The following RPS29 variants were observed in gnomAD, a reference collection of about 807,000 sequenced individuals.
RPS29 encodes the protein small ribosomal subunit protein uS14.
For synonymous variants in RPS29, 37 were observed against 26.9 expected, an observed-to-expected ratio of 1.37 and a Z score of -1.16; for missense variants, 60 against 75.7, an observed-to-expected ratio of 0.79 and a Z score of 0.77.
upstream of RPS29, among the ~76,000 whole-genome samples, chr14:49,589,375 A>G (rs1298817383): frequency 6.6e-6 from 1 of 152,226 alleles, no homozygotes; most frequent in African/African-American, 2.4e-5. Flanking sequence ...TTGAAAAACT[A>G]AAAGTAATAT....
At chr14:49,592,310 T>C (rs898005392) in intron 1 of RPS29, 1 of 151,948 alleles carries the variant, frequency 6.6e-6, no homozygotes, top group African/African-American at 2.4e-5. Context: ...ATTAATTAGT[T>C]GTAAACTCCA....
chr14:49,597,546 A>C (rs997636287), intron 1 of RPS29: 4 of 152,206 alleles, frequency 2.6e-5, no homozygotes, highest in Admixed American at 2.6e-4. Flanking sequence ...ATAGTCTGAA[A>C]ATTGTAGTGT....
Position 49,586,208 on chromosome 14 carries a change from G to A in RPS29, c.62+77C>T, listed in dbSNP as rs536900717. ...CGGCGTGCTCCCTCGTGCCGCCCGT[G>A]GCCTCCTCTACTTGAGATTTTAAGC... On this transcript the variant is annotated intron_variant, in intron 1 of 2. Coordinates refer to ENST00000245458, the MANE Select transcript of RPS29 (RefSeq NM_001032.5). The A allele has an allele frequency of 4.9e-5, 73 of 1,487,402 alleles. No individual in the cohort carries two copies. The Middle Eastern group carries it at 1.7e-3, about 35-fold the overall frequency. The allele number at this position is 1,487,402 out of a possible 1,614,324, so 92.1% of individuals were successfully genotyped here. A position where few individuals can be genotyped will look rare whatever the true frequency, so the allele number is the denominator to read the frequency against.
At chr14:49,578,487 A>G (rs1881246478) in intron 2 of RPS29, among the ~76,000 whole-genome samples, 1 of 151,350 alleles carries the variant, frequency 6.6e-6, no homozygotes, top group African/African-American at 2.4e-5. Flanking sequence ...GCACATATAC[A>G]ATTTTTCACT....
chr14:49,581,943 G>A (rs1345304474), downstream of RPS29, among the ~76,000 whole-genome samples: 1 of 147,340 alleles, frequency 6.8e-6, no homozygotes, highest in African/African-American at 2.6e-5. Context: ...GATAGCTTGA[G>A]CCCAAGAGGT....
chr14:49,586,387 G>A (rs765577922), upstream of RPS29: 14 of 1,550,372 alleles, frequency 9.0e-6, no homozygotes, highest in East Asian at 6.7e-5. Flanking sequence ...GAAGAAGCTG[G>A]CCCACGCATG....
chr14:49,582,113 T>C (rs1030874351), downstream of RPS29, among the ~76,000 whole-genome samples: 2 of 152,064 alleles, frequency 1.3e-5, no homozygotes, highest in Non-Finnish European at 2.9e-5. Flanking sequence ...AATAGCTTTA[T>C]TTCTACCTCT....
At chr14:49,596,695 C>T (rs1049421391) in intron 1 of RPS29, among the ~76,000 whole-genome samples, 1 of 151,860 alleles carries the variant, frequency 6.6e-6, no homozygotes, top group Non-Finnish European at 1.5e-5. Flanking sequence ...TGTTATGTAA[C>T]TTTCATCTAT....
At chr14:49,586,691 C>T (rs893939488), upstream of RPS29, 9 of 279,266 alleles carry the variant, frequency 3.2e-5, no homozygotes, top group Admixed American at 8.7e-5. Context: ...ATCGGGTGTC[C>T]GCACTAAGTT....
chr14:49,586,189 G>A (rs1881545056), intron 1 of RPS29, 96 bp downstream of exon 1: 3 of 1,420,276 alleles, frequency 2.1e-6, no homozygotes, highest in South Asian at 1.1e-5. Flanking sequence ...CAGTCGGCGT[G>A]CTCCCTCGTG....
At chr14:49,578,100 C>A (rs1224791185) in intron 2 of RPS29, among the ~76,000 whole-genome samples, 3 of 151,586 alleles carry the variant, frequency 2.0e-5, no homozygotes, top group African/African-American at 4.8e-5. Context: ...AGCCTTCATG[C>A]CTAAATATTT....
chr14:49,579,843 ACT>A (rs1037678786), downstream of RPS29, among the ~76,000 whole-genome samples: 1 of 152,214 alleles, frequency 6.6e-6, no homozygotes, highest in Non-Finnish European at 1.5e-5. Flanking sequence ...GAGCATAGGC[ACT>A]GATTTCAGAC....
exon 3 of RPS29, chr14:49,573,703 T>A (rs1296995229): frequency 6.6e-6 from 1 of 152,232 alleles, no homozygotes; most frequent in African/African-American, 2.4e-5. Context: ...ACCATCTTTA[T>A]CTTTTGGCCT....
chr14:49,584,631 G>A (rs543084732), intron 2 of RPS29, among the ~76,000 whole-genome samples: 12 of 152,178 alleles, frequency 7.9e-5, no homozygotes, highest in South Asian at 2.1e-4. Context: ...GGGCGTGGTG[G>A]CAGACGCCTG....
chr14:49,593,000 ATTTTTAAAG>A (rs943520457), intron 1 of RPS29, among the ~76,000 whole-genome samples: 2 of 152,072 alleles, frequency 1.3e-5, no homozygotes, highest in Non-Finnish European at 2.9e-5. Flanking sequence ...TTCCTGTGAT[ATTTTTAAAG>A]TTTTTATTTA....
chr14:49,594,303 G>A (rs566640750), intron 1 of RPS29, among the ~76,000 whole-genome samples: 16 of 150,418 alleles, frequency 1.1e-4, no homozygotes, highest in African/African-American at 3.9e-4. Context: ...AGGTTTTCCA[G>A]AACTTTCAGA....
chr14:49,586,540 T>C (rs537864998), upstream of RPS29: 2 of 606,476 alleles, frequency 3.3e-6, no homozygotes, highest in South Asian at 1.8e-5. Context: ...GACGTCACCA[T>C]ACCACAGCTT....
chr14:49,598,585 C>G (rs1020061973), exon 1 of RPS29: 4 of 702,020 alleles, frequency 5.7e-6, no homozygotes, highest in African/African-American at 1.7e-5. Flanking sequence ...GTGCCTTTCC[C>G]TGTAACGCAG....
chr14:49,577,616 TCCCA>T, exon 3 of RPS29: 1 of 698,712 alleles, frequency 1.4e-6, no homozygotes, highest in South Asian at 1.6e-5. Flanking sequence ...TTTTTGTTTC[TCCCA>T]TAACCAATGT....
Sources: gnomAD v4.1 joint callset for allele counts (sites outside exome capture counted in the v4.1 genomes callset) on GRCh38, gnomAD v4.1.1 for gene constraint, MANE v1.5 for transcripts, NCBI Gene and HGNC (gene_info 2026-07-23, HGNC 2026-07-21) for gene names.